STK3: variants seen among roughly 807,000 people sequenced by gnomAD.
STK3 encodes serine/threonine-protein kinase 3.
Under a neutral mutation model 58.0 loss-of-function variants are expected in STK3, and 41 were observed. The observed-to-expected ratio is 0.71, with a 90% CI of 0.55 to 0.92. The LOEUF (loss-of-function observed/expected upper bound fraction) is 0.92. Among genes scored for constraint, STK3 ranks in the 40% least tolerant of loss-of-function variants. The probability of loss-of-function intolerance (pLI) is 0.00; values close to 1 mark genes in which losing one functional copy is unlikely to be tolerated. For synonymous variants in STK3, 170 were observed against 191.0 expected, an observed-to-expected ratio of 0.89 and a Z score of 0.91; for missense variants, 479 against 602.7, an observed-to-expected ratio of 0.79 and a Z score of 2.15.
At chr8:98,860,844 C>T (rs952471229) in intron 3 of STK3, among the ~76,000 whole-genome samples, 3 of 152,064 alleles carry the variant, frequency 2.0e-5, no homozygotes, top group African/African-American at 7.2e-5. Flanking sequence ...ACCTTGAGTC[C>T]AGGAGTTCGA....
chr8:98,732,815 T>G (rs1047616518), intron 4 of STK3, among the ~76,000 whole-genome samples: 1 of 151,868 alleles, frequency 6.6e-6, no homozygotes, highest in Middle Eastern at 3.2e-3. Flanking sequence ...ATAAATACAC[T>G]GAGTAAGAAG....
chr8:98,368,716 TG>T (rs1348677060), downstream of STK3, among the ~76,000 whole-genome samples: 1 of 152,174 alleles, frequency 6.6e-6, no homozygotes, highest in Non-Finnish European at 1.5e-5. Flanking sequence ...CATGCTTGAT[TG>T]TTTGTCACAG....
chr8:98,818,690 T>C (rs928055177), intron 1 of STK3, among the ~76,000 whole-genome samples: 1 of 152,160 alleles, frequency 6.6e-6, no homozygotes, highest in African/African-American at 2.4e-5. Flanking sequence ...CCTAAACTAA[T>C]TATCATTAAT....
At chr8:98,403,644 T>C (rs1006580155) in intron 3 of STK3, among the ~76,000 whole-genome samples, 5 of 152,176 alleles carry the variant, frequency 3.3e-5, no homozygotes, top group Non-Finnish European at 4.4e-5. Flanking sequence ...AGGGATCATA[T>C]CTGTGTCCCT....
At chr8:98,780,277 C>G (rs1201167338) in intron 1 of STK3, among the ~76,000 whole-genome samples, 3 of 152,056 alleles carry the variant, frequency 2.0e-5, no homozygotes, top group South Asian at 4.1e-4. Context: ...GAGAGCCCTT[C>G]TTTCCCACAG....
chr8:98,593,460 C>T (rs919649468), intron 7 of STK3, among the ~76,000 whole-genome samples: 1 of 151,996 alleles, frequency 6.6e-6, no homozygotes, highest in Admixed American at 6.6e-5. Flanking sequence ...ATTAGGGGTC[C>T]CCAACCTCCA....
intron 9 of STK3, among the ~76,000 whole-genome samples, chr8:98,538,140 A>G (rs1001031548): frequency 4.6e-5 from 7 of 152,362 alleles, no homozygotes; most frequent in South Asian, 2.1e-4. Context: ...TCAACATCAA[A>G]AAGATTTATG....
intron 6 of STK3, among the ~76,000 whole-genome samples, chr8:98,618,595 T>C (rs1361918124): frequency 6.8e-6 from 1 of 147,114 alleles, no homozygotes; most frequent in Non-Finnish European, 1.5e-5. Flanking sequence ...CTCCTTAAGC[T>C]GATAAGCAAC....
chr8:98,417,956 C>A (rs1463532450), intron 3 of STK3, among the ~76,000 whole-genome samples: 1 of 152,122 alleles, frequency 6.6e-6, no homozygotes, highest in Non-Finnish European at 1.5e-5. Context: ...GTTGCCCAGG[C>A]TGGAGTGCAG....
intron 1 of STK3, among the ~76,000 whole-genome samples, chr8:98,938,807 T>C (rs971110975): frequency 6.6e-6 from 1 of 152,018 alleles, no homozygotes; most frequent in Non-Finnish European, 1.5e-5. Flanking sequence ...AGGTGTGCAG[T>C]AGACACACAG....
At chr8:98,797,900 C>G (rs574882994) in intron 1 of STK3, among the ~76,000 whole-genome samples, 8 of 151,982 alleles carry the variant, frequency 5.3e-5, no homozygotes, top group South Asian at 4.2e-4. Context: ...TGAAATAGAC[C>G]GAGCAGAGAA....
intron 10 of STK3, among the ~76,000 whole-genome samples, chr8:98,516,568 C>T (rs1298692043): frequency 1.3e-5 from 2 of 151,980 alleles, no homozygotes; most frequent in Non-Finnish European, 2.9e-5. Context: ...AAATTATCTG[C>T]ACTTTATTTC....
intron 6 of STK3, among the ~76,000 whole-genome samples, chr8:98,660,493 G>A (rs1821884801): frequency 6.6e-6 from 1 of 151,956 alleles, no homozygotes. Flanking sequence ...TTTCTTACGG[G>A]CAAAGAAATG....
At chr8:98,817,716 C>T (rs907867328) in intron 1 of STK3, among the ~76,000 whole-genome samples, 4 of 152,026 alleles carry the variant, frequency 2.6e-5, no homozygotes, top group Non-Finnish European at 4.4e-5. Context: ...TCAGCAAGTC[C>T]TTCATTTATA....
chr8:98,381,430 T>G (rs190922566), intron 1 of STK3, among the ~76,000 whole-genome samples: 1 of 152,222 alleles, frequency 6.6e-6, no homozygotes, highest in East Asian at 1.9e-4. Context: ...TCTGGATCAA[T>G]TTCCTTTTCC....
chr8:98,625,757 A>T (rs1395275952), intron 6 of STK3, among the ~76,000 whole-genome samples: 1 of 152,164 alleles, frequency 6.6e-6, no homozygotes, highest in Non-Finnish European at 1.5e-5. Context: ...TCCCTGTTTT[A>T]AAGTTGTGAG....
rs1257857758 is a variant in STK3, at chr8:98,847,334, AAG to A, written c.110+36311_110+36312del. Among the ~76,000 whole-genome samples the A allele has an allele frequency of 2.0e-5, 3 of 152,210 alleles. No individual in the cohort carries two copies. The East Asian group carries it at 5.8e-4, about 29-fold the overall frequency. Reference sequence around the variant, plus strand: ...CTATAGCATATACCTGTGCTGCTAAAAGAAAAAGTAAGGAGTCTGCCCTAGCA... The same window carrying A: ...CTATAGCATATACCTGTGCTGCTAAAAAAAAGTAAGGAGTCTGCCCTAGCA... On this transcript the variant is annotated intron_variant, in intron 3 of 12. Transcript: ENST00000523601.
At chr8:98,883,603 T>C (rs185214171), downstream of STK3, 23 of 697,814 alleles carry the variant, frequency 3.3e-5, no homozygotes, top group East Asian at 5.4e-4. Flanking sequence ...ACACCAAAAC[T>C]GCTGCCTGGT....
chr8:98,873,940 A>G (rs1406434932), intron 3 of STK3, among the ~76,000 whole-genome samples: 2 of 152,176 alleles, frequency 1.3e-5, no homozygotes, highest in African/African-American at 2.4e-5. Context: ...CCCAGTATCA[A>G]TGGTCTTTAC....
Sources: gnomAD v4.1 joint callset for allele counts (sites outside exome capture counted in the v4.1 genomes callset) on GRCh38, gnomAD v4.1.1 for gene constraint, MANE v1.5 for transcripts, NCBI Gene and HGNC (gene_info 2026-07-23, HGNC 2026-07-21) for gene names.